The following TRPC5 variants were observed in gnomAD, a reference collection of about 807,000 sequenced individuals.
The protein encoded by TRPC5 is short transient receptor potential channel 5.
Under a neutral mutation model 56.5 loss-of-function variants are expected in TRPC5, and 9 were observed. That is an observed-to-expected ratio of 0.16 (90% CI 0.10 to 0.28). The LOEUF (loss-of-function observed/expected upper bound fraction) is 0.28. Among genes scored for constraint, TRPC5 ranks in the 10% least tolerant of loss-of-function variants. The pLI is 1.00. For synonymous variants in TRPC5, 282 were observed against 278.5 expected, an observed-to-expected ratio of 1.01 and a Z score of -0.13; for missense variants, 469 against 748.9, an observed-to-expected ratio of 0.63 and a Z score of 4.36.
rs1357239512 is a variant in TRPC5 at position 111,932,502 on chromosome X, A to G, written c.378+19541T>C. Reference sequence around the variant, plus strand: ...AAAGAAGAGAGTGTCAAAGACCAACATGGCCAGCTTCTCACCAATATTTGC... The same window carrying G: ...AAAGAAGAGAGTGTCAAAGACCAACGTGGCCAGCTTCTCACCAATATTTGC... On this transcript the variant is annotated intron_variant, in intron 2 of 10. Transcript: ENST00000262839. Among the ~76,000 whole-genome samples, 4 of 110,990 alleles carry G rather than the reference A, an allele frequency of 3.6e-5. No individual in the cohort carries two copies. In the East Asian group the frequency reaches 1.1e-3, roughly 32 times the overall value.
At chrX:112,052,786 G>A (rs750507461) in intron 1 of TRPC5, among the ~76,000 whole-genome samples, 2 of 111,514 alleles carry the variant, frequency 1.8e-5, no homozygotes, top group Non-Finnish European at 3.8e-5. Context: ...GTTAATTTTT[G>A]TACTTGGTGT....
Position 111,784,067 on chromosome X carries a change from CAGTGG to C in TRPC5, c.1897-1934_1897-1930del, listed in dbSNP as rs767119900. Among the ~76,000 whole-genome samples, 12 of 111,816 alleles carry C rather than the reference CAGTGG, an allele frequency of 1.1e-4. No homozygotes were observed. In the South Asian group the frequency reaches 4.5e-3, roughly 42 times the overall value. ...ACTGCTTTTCCCCTTTGCCGAACAT[CAGTGG>C]GGCATGCTGGACTACTAGACATCCA... On this transcript the variant is annotated intron_variant, in intron 7 of 10. Coordinates refer to ENST00000262839, the MANE Select transcript of TRPC5 (RefSeq NM_012471.3).
In TRPC5 at chrX:112,038,979, C is replaced by T. The variant is rs182930549; in HGVS notation, c.-22+42900G>A. Among the ~76,000 whole-genome samples the T allele has an allele frequency of 7.4e-3, 808 of 108,868 alleles. 2 individuals carry two copies. The highest frequency in any genetic ancestry group is 0.014 in the Middle Eastern group (3 of 208). The allele number at this position is 108,868 out of a possible 115,157, so 94.5% of individuals were successfully genotyped here. A position where few individuals can be genotyped will look rare whatever the true frequency, so the allele number is the denominator to read the frequency against. ...TGCTGGGATTACAGGTGTGAGCCAC[C>T]GCGCCCAGCCTATGGGGCCTCACTT... On this transcript the variant is annotated intron_variant, in intron 1 of 10. Coordinates refer to ENST00000262839, the MANE Select transcript of TRPC5 (RefSeq NM_012471.3).
At chrX:112,027,165 T>C (rs1929435046) in intron 1 of TRPC5, among the ~76,000 whole-genome samples, 1 of 111,984 alleles carries the variant, frequency 8.9e-6, no homozygotes, top group South Asian at 3.7e-4. Context: ...TATTGGTAAA[T>C]TGCTCCACCT....
intron 2 of TRPC5, among the ~76,000 whole-genome samples, chrX:111,951,587 A>G (rs1927087313): frequency 8.9e-6 from 1 of 111,833 alleles, no homozygotes; most frequent in African/African-American, 3.3e-5. Context: ...GCCTTATTCC[A>G]TAAGCATCTG....
chrX:112,057,576 T>C (rs1328479783), intron 1 of TRPC5, among the ~76,000 whole-genome samples: 3 of 112,040 alleles, frequency 2.7e-5, no homozygotes, highest in Non-Finnish European at 5.6e-5. Flanking sequence ...TCTACAGCTT[T>C]TATTGATTCC....
chrX:111,808,671 C>T (rs1445238314), intron 7 of TRPC5, among the ~76,000 whole-genome samples: 2 of 109,441 alleles, frequency 1.8e-5, no homozygotes, highest in Non-Finnish European at 3.8e-5. Context: ...AGCTGCAAGA[C>T]AAAGTCCCCT....
chrX:112,074,779 T>C (rs1930796561), intron 1 of TRPC5, among the ~76,000 whole-genome samples: 2 of 112,418 alleles, frequency 1.8e-5, no homozygotes, highest in African/African-American at 3.2e-5. Flanking sequence ...TTCCCAACAG[T>C]GCCTTCCACC....
At chrX:111,856,107 G>C (rs1381174625) in intron 3 of TRPC5, among the ~76,000 whole-genome samples, 1 of 111,568 alleles carries the variant, frequency 9.0e-6, no homozygotes, top group Non-Finnish European at 1.9e-5. Context: ...AGGTGAAAAA[G>C]AGCCTGCCTT....
chrX:111,938,970 C>T (rs753168945), intron 2 of TRPC5, among the ~76,000 whole-genome samples: 2 of 111,938 alleles, frequency 1.8e-5, no homozygotes, highest in South Asian at 3.7e-4. Context: ...TGAAAGTGGG[C>T]ATCCTTGTCT....
chrX:111,939,328 A>G (rs1313336012), intron 2 of TRPC5, among the ~76,000 whole-genome samples: 1 of 111,347 alleles, frequency 9.0e-6, no homozygotes, highest in Non-Finnish European at 1.9e-5. Context: ...TTTTTGCGTC[A>G]ATATTCCTCA....
intron 2 of TRPC5, among the ~76,000 whole-genome samples, chrX:111,951,104 G>C (rs1327654787): frequency 8.9e-6 from 1 of 111,738 alleles, no homozygotes; most frequent in African/African-American, 3.3e-5. Flanking sequence ...TAGAGACAAG[G>C]AGACCAGTCA....
chrX:111,986,985 G>A lies in TRPC5; in HGVS notation c.-21-34544C>T, dbSNP rs796233624. ...GAGCTCATTCTTTTCTTTCTCTATT[G>A]TATCTAGCAACATCAGGAGCAGCCA... On this transcript the variant is annotated intron_variant, in intron 1 of 10. Transcript: ENST00000262839. 4.5e-5 allele frequency among the ~76,000 whole-genome samples: 5 copies of A among 111,373 alleles called. No individual in the cohort carries two copies. The South Asian group carries it at 1.9e-3, about 42-fold the overall frequency.
chrX:111,774,958 G>A lies in TRPC5; in HGVS notation c.*1355C>T, dbSNP rs1191533791. On this transcript the variant is annotated 3_prime_UTR_variant, in exon 11 of 11. Coordinates refer to ENST00000262839, the MANE Select transcript of TRPC5 (RefSeq NM_012471.3). ...CTTTGTGCTAATGTTGGTAAAAGCC[G>A]TCCTTGCTCAGCAGGTTCTCAGTGG... is the stretch of plus-strand genomic sequence containing the variant. 3.6e-5 allele frequency: 4 copies of A among 110,888 alleles called. No individual in the cohort carries two copies. Among genetic ancestry groups the A allele is most frequent in the South Asian group, 4.0e-4 (1 of 2,506 alleles). 9.1% of individuals were successfully genotyped at this position (110,888 alleles called of 1,213,427 possible).
At chrX:111,795,219 ATTT>A (rs778883826) in intron 7 of TRPC5, among the ~76,000 whole-genome samples, 1 of 110,507 alleles carries the variant, frequency 9.0e-6, no homozygotes, top group Non-Finnish European at 1.9e-5. Flanking sequence ...TTTATTACTG[ATTT>A]TAGACAAAAA....
intron 1 of TRPC5, among the ~76,000 whole-genome samples, chrX:111,996,546 C>A (rs1399692991): frequency 9.0e-6 from 1 of 111,038 alleles, no homozygotes; most frequent in Non-Finnish European, 1.9e-5. Flanking sequence ...CCTTGTTAAC[C>A]TTCCGTCTCT....
intron 1 of TRPC5, among the ~76,000 whole-genome samples, chrX:111,966,068 T>C (rs1267969014): frequency 9.0e-6 from 1 of 110,796 alleles, no homozygotes; most frequent in Non-Finnish European, 1.9e-5. Flanking sequence ...TCAACAAAAT[T>C]GATAGACTGC....
At chrX:111,867,864 A>G (rs1923596141) in intron 3 of TRPC5, among the ~76,000 whole-genome samples, 1 of 112,283 alleles carries the variant, frequency 8.9e-6, no homozygotes, top group South Asian at 3.7e-4. Flanking sequence ...CTTGCAGTCT[A>G]TATGTCCTTA....
chrX:111,784,273 T>C (rs897616560), intron 7 of TRPC5, among the ~76,000 whole-genome samples: 1 of 111,401 alleles, frequency 9.0e-6, no homozygotes, highest in African/African-American at 3.3e-5. Context: ...AGAAACCAAG[T>C]GACAAAAGAA....
Sources: gnomAD v4.1 joint callset for allele counts (sites outside exome capture counted in the v4.1 genomes callset) on GRCh38, gnomAD v4.1.1 for gene constraint, MANE v1.5 for transcripts, NCBI Gene and HGNC (gene_info 2026-07-23, HGNC 2026-07-21) for gene names.